Variants in HEPH observed in about 807,000 individuals in gnomAD.
HEPH encodes hephaestin.
A neutral mutation model predicts 80.8 loss-of-function variants in HEPH; 69 were observed. The ratio of observed to expected loss-of-function variants is 0.85; its 90% CI spans 0.70 to 1.04. HEPH has a LOEUF of 1.04. Ranked by LOEUF, HEPH falls within the 50% of genes least tolerant of loss-of-function variation. HEPH has a pLI of 0.00. For missense variants in HEPH, 1,115 were observed against 891.3 expected, an observed-to-expected ratio of 1.25 and a Z score of -3.20; for synonymous variants, 431 against 322.8, an observed-to-expected ratio of 1.34 and a Z score of -3.60.
At chrX:66,175,341 T>A (rs1004924037) in intron 4 of HEPH, among the ~76,000 whole-genome samples, 1 of 111,838 alleles carries the variant, frequency 8.9e-6, no homozygotes, top group Admixed American at 9.5e-5. Flanking sequence ...TATTTCTGAG[T>A]TCTCTATTCT....
At chrX:66,195,022 C>T in intron 8 of HEPH, 76 bp from the exon 9 acceptor site, 1 of 832,749 alleles carries the variant, frequency 1.2e-6, no homozygotes, top group Non-Finnish European at 1.6e-6. Context: ...TTTTCTTTCC[C>T]TCCCTCTTCT....
intron 4 of HEPH, among the ~76,000 whole-genome samples, chrX:66,186,745 G>A (rs1166467211): frequency 8.9e-6 from 1 of 112,108 alleles, no homozygotes; most frequent in Non-Finnish European, 1.9e-5. Flanking sequence ...TGTTCTTTGT[G>A]CTTCTTGTAT....
chrX:66,260,331 C>A, intron 19 of HEPH, 69 bp downstream of exon 19: 2 of 902,283 alleles, frequency 2.2e-6, no homozygotes, highest in Non-Finnish European at 3.1e-6. Flanking sequence ...GCAGGTAATA[C>A]CAAAAAGCCT....
chrX:66,202,536 A>T (rs1036422043), intron 12 of HEPH, among the ~76,000 whole-genome samples: 1 of 111,782 alleles, frequency 8.9e-6, no homozygotes, highest in Non-Finnish European at 1.9e-5. Flanking sequence ...CAACACAGAC[A>T]TTTAAGACTG....
At chrX:66,227,136 G>A (rs1253246023) in intron 15 of HEPH, among the ~76,000 whole-genome samples, 4 of 111,867 alleles carry the variant, frequency 3.6e-5, no homozygotes, top group African/African-American at 1.3e-4. Context: ...ACACCCAACA[G>A]TAAATAAATG....
At position 66,260,190 on chromosome X, in the gene HEPH, C is replaced by T. The variant is rs1289401735; in HGVS notation, c.3127C>T (p.Leu1043=). 1 of 1,205,197 alleles carries T rather than the reference C, an allele frequency of 8.3e-7. No homozygotes were observed. Among genetic ancestry groups the T allele is most frequent in the Non-Finnish European group, 1.1e-6 (1 of 891,584 alleles). ...GGTGGCCAGCAACCCTGGGACATGG[C>T]TGATGCACTGCCATGTGACTGACCA... ...EMVASNPGTW[L]MHCHVTDHVH... The change falls in exon 19 of 21, where the codon CTG becomes TTG. Residue 1043 remains leucine, a synonymous_variant. Transcript: ENST00000343002.
intron 17 of HEPH, 67 bp downstream of exon 17, chrX:66,256,397 G>A: frequency 2.6e-6 from 2 of 773,141 alleles, no homozygotes; most frequent in Non-Finnish European, 3.8e-6. Flanking sequence ...ATATTTAATA[G>A]GCCTATTGCT....
chrX:66,237,434 A>G (rs1359255421), intron 15 of HEPH, among the ~76,000 whole-genome samples: 2 of 111,825 alleles, frequency 1.8e-5, no homozygotes, highest in Non-Finnish European at 3.8e-5. Flanking sequence ...ATGTAATTGT[A>G]TGGTTTTGAG....
rs911250022 is a variant in HEPH at position 66,189,985 on chromosome X, A to G, written c.1063+47A>G. ...CATTGGGTTGTAAGAGAGAGGTATG[A>G]TAATGGTCAAGGGAGGCTGGGTTTC... On this transcript the variant is annotated intron_variant, in intron 6 of 20. Coordinates refer to ENST00000343002, the MANE Select transcript of HEPH (RefSeq NM_001367233.3). The G allele has an allele frequency of 4.5e-6, 5 of 1,121,629 alleles. No individual in the cohort carries two copies. The African/African-American group carries it at 7.4e-5, about 17-fold the overall frequency. 92.4% of individuals were successfully genotyped at this position (1,121,629 alleles called of 1,213,427 possible).
intron 19 of HEPH, among the ~76,000 whole-genome samples, chrX:66,262,917 A>C (rs1459239069): frequency 9.0e-6 from 1 of 111,542 alleles, no homozygotes; most frequent in Non-Finnish European, 1.9e-5. Context: ...AACAAGGTTA[A>C]TGTGACCATG....
chrX:66,218,521 G>T (rs1004775593), intron 15 of HEPH, among the ~76,000 whole-genome samples: 1 of 111,614 alleles, frequency 9.0e-6, no homozygotes, highest in Non-Finnish European at 1.9e-5. Context: ...ACAACCTATC[G>T]AAACCTCTGG....
chrX:66,178,712 T>C (rs1171139542), intron 4 of HEPH, among the ~76,000 whole-genome samples: 1 of 112,654 alleles, frequency 8.9e-6, no homozygotes, highest in African/African-American at 3.2e-5. Flanking sequence ...TGAGCATTTT[T>C]TCATGTGTCT....
Position 66,173,652 on chromosome X carries a change from G to T in HEPH, c.476G>T (p.Gly159Val). 8.3e-7 allele frequency: 1 copy of T among 1,209,810 alleles called. No homozygotes were observed. Among genetic ancestry groups the T allele is most frequent in the Non-Finnish European group, 1.1e-6 (1 of 894,649 alleles). The change falls in exon 4 of 21, where the codon GGC becomes GTC. Residue 159 changes from glycine (G) to valine (V), a missense_variant. This residue lies in a region of HEPH where 391 missense variants were observed against 343.6 expected (regional missense o/e 1.14). Coordinates refer to ENST00000343002, the MANE Select transcript of HEPH (RefSeq NM_001367233.3). Reference sequence around the variant, plus strand: ...GCTGATGACTCTGTTCCCCCGGGGGGCAGCCATATCTACAACTGGACCATT... The same window carrying T: ...GCTGATGACTCTGTTCCCCCGGGGGTCAGCCATATCTACAACTGGACCATT... ...LKADDSVPPG[G>V]SHIYNWTIPE...
At chrX:66,164,771 G>A (rs1333353291) in intron 1 of HEPH, among the ~76,000 whole-genome samples, 3 of 112,144 alleles carry the variant, frequency 2.7e-5, no homozygotes, top group African/African-American at 9.7e-5. Context: ...CACAGGTTGA[G>A]GAATTTATTG....
At chrX:66,206,775 G>T (rs2088803530) in intron 13 of HEPH, among the ~76,000 whole-genome samples, 1 of 110,237 alleles carries the variant, frequency 9.1e-6, no homozygotes, top group Non-Finnish European at 1.9e-5. Flanking sequence ...CAGCACTTTG[G>T]GAGGCCAAGG....
Position 66,195,226 on chromosome X carries a change from G to A in HEPH, c.1498G>A (p.Asp500Asn). The change falls in exon 9 of 21, where the codon GAT becomes AAT. Residue 500 changes from aspartate (D) to asparagine (N), a missense_variant. Asp to Asn is a conservative substitution (Grantham distance 23). Transcript: ENST00000343002. ...AGACTATGAAGGCACTGTGTACAAT[G>A]ATGGTGAGCCAACAGGGTTTCTAGT... ...EKDYEGTVYN[D>N]GSSYPGLVAK... is the part of the protein sequence containing the mutation. 1 of 1,168,782 alleles carries A rather than the reference G, an allele frequency of 8.6e-7. No homozygotes were observed. The highest frequency in any genetic ancestry group is 1.1e-6 in the Non-Finnish European group (1 of 874,139).
intron 13 of HEPH, among the ~76,000 whole-genome samples, chrX:66,206,113 A>T (rs1322422636): frequency 1.8e-5 from 2 of 110,472 alleles, no homozygotes; most frequent in African/African-American, 3.3e-5. Context: ...AATCTGTAAG[A>T]TTTCATTCCC....
intron 4 of HEPH, among the ~76,000 whole-genome samples, chrX:66,175,757 A>ATGTATGTG (rs1277899156): frequency 1.3e-4 from 14 of 110,271 alleles, no homozygotes; most frequent in African/African-American, 4.0e-4. Flanking sequence ...GTATGTATGT[A>ATGTATGTG]TGTATTTATT....
chrX:66,223,367 G>A (rs182266749), intron 15 of HEPH, among the ~76,000 whole-genome samples: 1 of 111,542 alleles, frequency 9.0e-6, no homozygotes, highest in Admixed American at 9.5e-5. Context: ...CTAGACCAAA[G>A]AAACCCAAAC....
Sources: gnomAD v4.1 joint callset for allele counts (sites outside exome capture counted in the v4.1 genomes callset) on GRCh38, gnomAD v4.1.1 for gene constraint, gnomAD v4.1.1 regional missense constraint, MANE v1.5 for transcripts, NCBI Gene and HGNC (gene_info 2026-07-23, HGNC 2026-07-21) for gene names.